BMAL1: variants seen among roughly 807,000 people sequenced by gnomAD.
BMAL1 encodes basic helix-loop-helix ARNT like 1, also known as basic helix-loop-helix ARNT-like protein 1.
chr11:13,307,584 G>A, the BMAL1 span, among the ~76,000 whole-genome samples: 1 of 152,218 alleles, frequency 6.6e-6, no homozygotes, highest in Non-Finnish European at 1.5e-5. Flanking sequence ...TCTCTGGAGG[G>A]CTAGCCTTAT....
At chr11:13,370,162 TCTC>T in the BMAL1 span, among the ~76,000 whole-genome samples, 1 of 152,230 alleles carries the variant, frequency 6.6e-6, no homozygotes, top group East Asian at 1.9e-4. Context: ...AGTGTTCTCT[TCTC>T]CTGGATTCCA....
the BMAL1 span, among the ~76,000 whole-genome samples, chr11:13,311,198 T>C: frequency 3.3e-5 from 5 of 152,142 alleles, no homozygotes; most frequent in African/African-American, 4.8e-5. Context: ...CAGCAGAGAA[T>C]TGGAAATGCA....
At chr11:13,329,081 CAGAG>C in the BMAL1 span, among the ~76,000 whole-genome samples, 18 of 152,134 alleles carry the variant, frequency 1.2e-4, no homozygotes, top group Admixed American at 1.2e-3. Context: ...AAGAGCAAGA[CAGAG>C]AGGGTCTCCG....
the BMAL1 span, chr11:13,376,586 G>T: frequency 6.4e-7 from 1 of 1,570,786 alleles, no homozygotes; most frequent in Non-Finnish European, 8.8e-7. Context: ...GTTGAATGGT[G>T]CACAGTTCTG....
chr11:13,356,630 C>T, the BMAL1 span: 1 of 1,346,774 alleles, frequency 7.4e-7, no homozygotes, highest in African/African-American at 1.5e-5. Context: ...GCTGTTCGAA[C>T]TTTATGATTG....
the BMAL1 span, among the ~76,000 whole-genome samples, chr11:13,347,104 C>G: frequency 6.6e-6 from 1 of 152,260 alleles, no homozygotes; most frequent in East Asian, 1.9e-4. Context: ...ATAAGAGAGG[C>G]TTTTGAGGCT....
the BMAL1 span, among the ~76,000 whole-genome samples, chr11:13,339,583 C>T: frequency 6.6e-6 from 1 of 152,200 alleles, no homozygotes; most frequent in South Asian, 2.1e-4. Context: ...GGCCCTCTGA[C>T]TGCACCCCTA....
At chr11:13,281,529 A>AT in the BMAL1 span, among the ~76,000 whole-genome samples, 6 of 151,568 alleles carry the variant, frequency 4.0e-5, no homozygotes, top group Non-Finnish European at 5.9e-5. Flanking sequence ...TATTTCTTTT[A>AT]TTTTTTTAAA....
the BMAL1 span, among the ~76,000 whole-genome samples, chr11:13,318,249 A>G: frequency 6.9e-4 from 105 of 152,330 alleles, 2 homozygotes; most frequent in Admixed American, 5.6e-3. Flanking sequence ...AACTGTGACC[A>G]TAGGTAGGAA....
chr11:13,355,432 T>G, the BMAL1 span: 1 of 872,462 alleles, frequency 1.1e-6, no homozygotes, highest in East Asian at 2.6e-5. Context: ...ACCCTTTGTC[T>G]TGAGCAAGCG....
chr11:13,284,242 A>ATGTG, the BMAL1 span, among the ~76,000 whole-genome samples: 84 of 7,830 alleles, frequency 0.011, 10 homozygotes, highest in South Asian at 0.1. Context: ...GTGTATATAT[A>ATGTG]TATATATATA....
chr11:13,354,448 A>C, the BMAL1 span: 1 of 1,613,888 alleles, frequency 6.2e-7, no homozygotes, highest in African/African-American at 1.3e-5. Context: ...ACTGACTACC[A>C]GTAAGGCCTT....
the BMAL1 span, among the ~76,000 whole-genome samples, chr11:13,348,163 G>C: frequency 1.3e-5 from 2 of 152,252 alleles, no homozygotes; most frequent in Admixed American, 6.5e-5. Context: ...AGGAAAGCAG[G>C]AGTTTATCAG....
chr11:13,284,228 G>A, the BMAL1 span, among the ~76,000 whole-genome samples: 1,497 of 7,414 alleles, frequency 0.2, 153 homozygotes, highest in Admixed American at 0.29. Context: ...ATATATATAT[G>A]TGTGTGTATA....
chr11:13,293,285 T>G, the BMAL1 span, among the ~76,000 whole-genome samples: 2 of 152,244 alleles, frequency 1.3e-5, no homozygotes, highest in African/African-American at 4.8e-5. Context: ...TGTGACTGAA[T>G]CAGTAGAAAG....
chr11:13,344,461 A>G, the BMAL1 span, among the ~76,000 whole-genome samples: 2 of 152,230 alleles, frequency 1.3e-5, no homozygotes, highest in Non-Finnish European at 2.9e-5. Context: ...TCATGTACTT[A>G]TTAAAACACT....
the BMAL1 span, among the ~76,000 whole-genome samples, chr11:13,325,151 A>C: frequency 6.6e-6 from 1 of 152,330 alleles, no homozygotes; most frequent in South Asian, 2.1e-4. Context: ...GAGACTGTTG[A>C]CACTCTGTGG....
the BMAL1 span, among the ~76,000 whole-genome samples, chr11:13,382,810 G>A: frequency 6.6e-6 from 1 of 152,110 alleles, no homozygotes; most frequent in African/African-American, 2.4e-5. Flanking sequence ...GCTCCTCAGC[G>A]TTCGTTTTAT....
chr11:13,372,028 C>G, the BMAL1 span: 11 of 1,230,228 alleles, frequency 8.9e-6, no homozygotes, highest in Non-Finnish European at 1.1e-5. Flanking sequence ...TCATTAGATG[C>G]TTACTTCTGG....
Sources: allele counts gnomAD v4.1 joint callset (sites outside exome capture counted in the v4.1 genomes callset), GRCh38; gene constraint gnomAD v4.1.1; transcripts MANE v1.5; gene names NCBI Gene and HGNC (gene_info 2026-07-23, HGNC 2026-07-21).